The following NATD1 variants were observed in gnomAD, a reference collection of about 807,000 sequenced individuals.
NATD1 encodes the protein N-acetyltransferase domain containing 1, also known as protein NATD1.
NATD1 carries 9 observed loss-of-function variants against 12.0 expected under a neutral mutation model. The observed-to-expected ratio is 0.75, with a 90% CI of 0.45 to 1.30. The LOEUF is 1.30. NATD1 is among the 50% of genes most tolerant of loss of function. The pLI is 0.00. For missense variants in NATD1, 148 were observed against 148.5 expected (o/e 1.00, Z 0.02); for synonymous variants, 71 against 65.9 (o/e 1.08, Z -0.37).
intron 1 of NATD1, among the ~76,000 whole-genome samples, chr17:21,252,700 C>T (rs1294850122): frequency 6.6e-6 from 1 of 152,136 alleles, no homozygotes; most frequent in East Asian, 1.9e-4. Context: ...CATATACCAC[C>T]CGCAGAAGGG....
chr17:21,251,426 C>G (rs931407505), intron 1 of NATD1, among the ~76,000 whole-genome samples: 37 of 152,150 alleles, frequency 2.4e-4, no homozygotes, highest in African/African-American at 4.6e-4. Flanking sequence ...CATGAGGCCT[C>G]TCTCCCAGAG....
chr17:21,250,160 T>C (rs149440787), intron 1 of NATD1, among the ~76,000 whole-genome samples: 111 of 152,336 alleles, frequency 7.3e-4, no homozygotes, highest in Admixed American at 2.3e-3. Flanking sequence ...GCCGAGCCCA[T>C]AGGACAACGG....
chr17:21,239,949 A>C lies in NATD1; in HGVS notation c.*3364T>G, dbSNP rs1240126730. 1 of 152,240 alleles carries C rather than the reference A, an allele frequency of 6.6e-6. No individual in the cohort carries two copies. Among genetic ancestry groups the C allele is most frequent in the Non-Finnish European group, 1.5e-5 (1 of 68,066 alleles). The allele number at this position is 152,240 out of a possible 1,614,324, so 9.4% of individuals were successfully genotyped here. On this transcript the variant is annotated 3_prime_UTR_variant, in exon 3 of 3. Coordinates refer to ENST00000611551, the MANE Select transcript of NATD1 (RefSeq NM_152914.3). The stretch of plus-strand genomic sequence containing the variant: ...GCCCTGGGCCTGGTGCAAGATTTTC[A>C]CTTGTTTTGGAAGCATTAGCCACAG...
chr17:21,245,562 G>T (rs1975318172), intron 1 of NATD1, among the ~76,000 whole-genome samples: 1 of 152,128 alleles, frequency 6.6e-6, no homozygotes, highest in Non-Finnish European at 1.5e-5. Context: ...AAAGCCTCAG[G>T]AGAGTGGCTA....
rs978254608 is a variant in NATD1 at position 21,244,403 on chromosome 17, A to G, written c.107-179T>C. On this transcript the variant is annotated intron_variant, in intron 1 of 2. Coordinates refer to ENST00000611551, the MANE Select transcript of NATD1 (RefSeq NM_152914.3). This position sits in a 1 kb window ranked among gnomAD's most constrained non-coding sequence, Gnocchi z 5.2. Reference sequence around the variant, plus strand: ...GTGGAGGTACAATAAAATGTCCTTCATAGGGTGGTTTGGAGGATTAAATGA... The same window carrying G: ...GTGGAGGTACAATAAAATGTCCTTCGTAGGGTGGTTTGGAGGATTAAATGA... Among the ~76,000 whole-genome samples, 4 of 152,178 alleles carry G rather than the reference A, an allele frequency of 2.6e-5. No individual in the cohort carries two copies. Among genetic ancestry groups the G allele is most frequent in the East Asian group, 1.9e-4 (1 of 5,194 alleles).
In NATD1 at chr17:21,244,342, A is replaced by C; in HGVS notation, c.107-118T>G. 1 of 759,730 alleles carries C rather than the reference A, an allele frequency of 1.3e-6. No individual in the cohort carries two copies. Among genetic ancestry groups the C allele is most frequent in the Non-Finnish European group, 2.1e-6 (1 of 475,756 alleles). The allele number at this position is 759,730 out of a possible 1,614,324, so 47.1% of individuals were successfully genotyped here. ...TTCAGCTGCTACAGCTGAATCCTGA[A>C]TAACCTCTCAGTGCCTCAGTCTCCT... On this transcript the variant is annotated intron_variant, in intron 1 of 2. Transcript: ENST00000611551. This position sits in a 1 kb window ranked among gnomAD's most constrained non-coding sequence, Gnocchi z 5.2.
chr17:21,252,410 A>G (rs1361077613), intron 1 of NATD1, among the ~76,000 whole-genome samples: 4 of 152,166 alleles, frequency 2.6e-5, no homozygotes, highest in Non-Finnish European at 5.9e-5. Context: ...CTAATCCCCC[A>G]TGAGCTGGTC....
At position 21,243,243 on chromosome 17, in the gene NATD1, G is replaced by A. The variant is rs1567644707; in HGVS notation, c.*70C>T. On this transcript the variant is annotated 3_prime_UTR_variant, in exon 3 of 3. Transcript: ENST00000611551. ...GTTCCCAGTGGGACCAGGTTCCTGA[G>A]AGCACGTGGGGCCAGGCAAAGGCCA... 8.0e-7 allele frequency: 1 copy of A among 1,246,776 alleles called. No homozygotes were observed. The highest frequency in any genetic ancestry group is 1.1e-6 in the Non-Finnish European group (1 of 875,908). 77.2% of individuals were successfully genotyped at this position (1,246,776 alleles called of 1,614,324 possible). A position where few individuals can be genotyped will look rare whatever the true frequency, so the allele number is the denominator to read the frequency against.
intron 1 of NATD1, among the ~76,000 whole-genome samples, chr17:21,245,489 G>A (rs749534990): frequency 2.6e-5 from 4 of 152,200 alleles, no homozygotes; most frequent in Non-Finnish European, 2.9e-5. Flanking sequence ...CAGGGCCACC[G>A]GAACTGGGGC....
Position 21,240,345 on chromosome 17 carries a change from G to C in NATD1, c.*2968C>G, listed in dbSNP as rs1234339895. ...CTGTGCTGAGGGCTGAGCAAAAAGA[G>C]GCCAGACACCAGGGAGGGAAGCCCG... On this transcript the variant is annotated 3_prime_UTR_variant, in exon 3 of 3. Transcript: ENST00000611551. 2 of 152,356 alleles carry C rather than the reference G, an allele frequency of 1.3e-5. No individual in the cohort carries two copies. Among genetic ancestry groups the C allele is most frequent in the South Asian group, 2.1e-4 (1 of 4,824 alleles). The allele number at this position is 152,356 out of a possible 1,614,324, so 9.4% of individuals were successfully genotyped here. A position where few individuals can be genotyped will look rare whatever the true frequency, so the allele number is the denominator to read the frequency against.
rs2144359816 is a variant in NATD1, at chr17:21,244,545, C to T, written c.107-321G>A. On this transcript the variant is annotated intron_variant, in intron 1 of 2. Coordinates refer to ENST00000611551, the MANE Select transcript of NATD1 (RefSeq NM_152914.3). The surrounding 1 kb of genome is among the most constrained non-coding windows in gnomAD (Gnocchi z 5.2). ...CCTGCCACCCCTTTCTGTAGCCCTG[C>T]TCCCTGCATCCCCACCCCACCACAT... 6.6e-6 allele frequency among the ~76,000 whole-genome samples: 1 copy of T among 152,320 alleles called. No homozygotes were observed. The highest frequency in any genetic ancestry group is 1.9e-4 in the East Asian group (1 of 5,190).
At position 21,242,813 on chromosome 17, in the gene NATD1, G is replaced by T. The variant is rs1975288547; in HGVS notation, c.*500C>A. 1.9e-5 allele frequency: 3 copies of T among 156,404 alleles called. No homozygotes were observed. The South Asian group carries it at 5.8e-4, about 30-fold the overall frequency. 9.7% of individuals were successfully genotyped at this position (156,404 alleles called of 1,614,324 possible). On this transcript the variant is annotated 3_prime_UTR_variant, in exon 3 of 3. Coordinates refer to ENST00000611551, the MANE Select transcript of NATD1 (RefSeq NM_152914.3). ...AGGGCCCTGCCTGCACTGGGCATGG[G>T]GGTCTGAGAAAGGGGCAGCACCGCT...
intron 1 of NATD1, among the ~76,000 whole-genome samples, chr17:21,245,957 T>G (rs986741543): frequency 1.3e-5 from 2 of 152,186 alleles, no homozygotes; most frequent in African/African-American, 4.8e-5. Context: ...AGGGATGTGG[T>G]TCTTGGCTCC....
Position 21,244,212 on chromosome 17 carries a change from C to T in NATD1, c.119G>A (p.Arg40Gln), listed in dbSNP as rs373476359. The stretch of plus-strand genomic sequence containing the variant: ...CACGTACTCATAGAGCAGGACGGCC[C>T]GGTCATGACATCCTGGGGGTTGTGG... ...FTVRLNGCHD[R>Q]AVLLYEYVGK... Residue 40 changes from arginine (R) to glutamine (Q), a missense_variant, in exon 2 of 3, where the codon CGG becomes CAG. Physicochemically the swap from Arg to Gln is conservative, Grantham distance 43. Coordinates refer to ENST00000611551, the MANE Select transcript of NATD1 (RefSeq NM_152914.3). This position sits in a 1 kb window ranked among gnomAD's most constrained non-coding sequence, Gnocchi z 5.2. 1.9e-5 allele frequency: 31 copies of T among 1,611,460 alleles called. No individual in the cohort carries two copies. Among genetic ancestry groups the T allele is most frequent in the Middle Eastern group, 3.3e-4 (2 of 6,076 alleles).
intron 1 of NATD1, among the ~76,000 whole-genome samples, chr17:21,246,145 G>A (rs1226795063): frequency 2.6e-5 from 4 of 152,166 alleles, no homozygotes; most frequent in African/African-American, 4.8e-5. Flanking sequence ...AGGCAGCAGC[G>A]AACAAAACTG....
At chr17:21,251,974 T>G (rs368384403) in intron 1 of NATD1, among the ~76,000 whole-genome samples, 2 of 152,206 alleles carry the variant, frequency 1.3e-5, no homozygotes, top group Non-Finnish European at 2.9e-5. Context: ...TAGTTCTATT[T>G]CCTACCTGTG....
chr17:21,248,265 C>G (rs897833197), intron 1 of NATD1, among the ~76,000 whole-genome samples: 17 of 152,192 alleles, frequency 1.1e-4, no homozygotes, highest in Admixed American at 1.0e-3. Context: ...CAATACCGGT[C>G]CTCACGCTCA....
chr17:21,244,157 G>T lies in NATD1; in HGVS notation c.174C>A (p.Thr58=). Residue 58 remains threonine (T), a synonymous_variant, in exon 2 of 3, where the codon ACC becomes ACA. Transcript: ENST00000611551. This position sits in a 1 kb window ranked among gnomAD's most constrained non-coding sequence, Gnocchi z 5.2. ...VGKRIVDLQH[T]EVPDAYRGRG... ...GCCCACGGTAGGCATCTGGGACCTC[G>T]GTGTGCTGCAGGTCCACGATCCGCT... 1 of 1,613,120 alleles carries T rather than the reference G, an allele frequency of 6.2e-7. No homozygotes were observed. The highest frequency in any genetic ancestry group is 1.3e-5 in the African/African-American group (1 of 75,008).
At chr17:21,249,251 C>T (rs1056282430) in intron 1 of NATD1, among the ~76,000 whole-genome samples, 3 of 152,156 alleles carry the variant, frequency 2.0e-5, no homozygotes, top group East Asian at 1.9e-4. Flanking sequence ...CTGAGGTAGA[C>T]GGAGGCAGAG....
Sources: allele counts gnomAD v4.1 joint callset (sites outside exome capture counted in the v4.1 genomes callset), GRCh38; gene constraint gnomAD v4.1.1; non-coding constraint Gnocchi (gnomAD v3.1); transcripts MANE v1.5; gene names NCBI Gene and HGNC (gene_info 2026-07-23, HGNC 2026-07-21).